WIPF1: variants seen among roughly 807,000 people sequenced by gnomAD.
WIPF1 encodes the protein WAS/WASL interacting protein family member 1.
Under a neutral mutation model 35.4 loss-of-function variants are expected in WIPF1, and 13 were observed. The ratio of observed to expected loss-of-function variants is 0.37; its 90% CI spans 0.24 to 0.58. WIPF1 has a LOEUF of 0.58. Ranked by LOEUF, WIPF1 falls within the 20% of genes least tolerant of loss-of-function variation. The pLI is 0.74. For missense variants in WIPF1, 591 were observed against 667.0 expected (o/e 0.89, Z 1.25); for synonymous variants, 267 against 266.3 (o/e 1.00, Z -0.02).
intron 1 of WIPF1, among the ~76,000 whole-genome samples, chr2:174,629,459 G>A (rs1686948251): frequency 6.6e-6 from 1 of 152,342 alleles, no homozygotes; most frequent in South Asian, 2.1e-4. Context: ...TGCTGTCCAT[G>A]TAGGTAAATT....
chr2:174,638,041 A>C (rs1687222499), intron 1 of WIPF1, among the ~76,000 whole-genome samples: 1 of 152,208 alleles, frequency 6.6e-6, no homozygotes, highest in Non-Finnish European at 1.5e-5. Context: ...TTTTGTTTGG[A>C]CTAAGAGATG....
chr2:174,606,963 C>T (rs2105891757), intron 1 of WIPF1, among the ~76,000 whole-genome samples: 1 of 152,310 alleles, frequency 6.6e-6, no homozygotes, highest in East Asian at 1.9e-4. Flanking sequence ...TGAGGGCCTT[C>T]TTGCCGTGTC....
At chr2:174,679,981 C>A (rs1044308889) in intron 1 of WIPF1, among the ~76,000 whole-genome samples, 1 of 152,172 alleles carries the variant, frequency 6.6e-6, no homozygotes, top group East Asian at 1.9e-4. Context: ...TCTTTCGATG[C>A]CTGGCACACA....
chr2:174,567,728 T>C (rs1249006699), intron 6 of WIPF1, 133 bp downstream of exon 6: 1 of 947,538 alleles, frequency 1.1e-6, no homozygotes, highest in African/African-American at 1.7e-5. Flanking sequence ...AATGGTTAGA[T>C]AGTTAGATCA....
chr2:174,658,805 G>C (rs1687698283), intron 1 of WIPF1, among the ~76,000 whole-genome samples: 1 of 151,304 alleles, frequency 6.6e-6, no homozygotes, highest in Non-Finnish European at 1.5e-5. Context: ...CCTTGTTTCT[G>C]CTTGAAAAAA....
chr2:174,575,416 C>T, intron 3 of WIPF1, 36 bp from the exon 4 acceptor site: 1 of 1,565,418 alleles, frequency 6.4e-7, no homozygotes, highest in Non-Finnish European at 8.7e-7. Context: ...ACTATGCCCC[C>T]TGGTCTGGCC....
intron 1 of WIPF1, among the ~76,000 whole-genome samples, chr2:174,667,061 G>A (rs1022679480): frequency 5.9e-5 from 9 of 152,232 alleles, no homozygotes; most frequent in African/African-American, 1.9e-4. Flanking sequence ...AATGCAGTTG[G>A]TTTTGTTTTA....
At chr2:174,634,338 A>T (rs1004308846) in intron 1 of WIPF1, among the ~76,000 whole-genome samples, 1 of 152,198 alleles carries the variant, frequency 6.6e-6, no homozygotes, top group Non-Finnish European at 1.5e-5. Flanking sequence ...TTTTCACCAT[A>T]ATGGCTCAGC....
chr2:174,674,962 G>A (rs1009887589), intron 1 of WIPF1, among the ~76,000 whole-genome samples: 5 of 150,006 alleles, frequency 3.3e-5, no homozygotes, highest in Admixed American at 3.3e-4. Context: ...GTTCCAGGAA[G>A]AATGGTTGTA....
intron 2 of WIPF1, among the ~76,000 whole-genome samples, chr2:174,581,718 G>A (rs551046151): frequency 1.3e-5 from 2 of 152,294 alleles, no homozygotes; most frequent in Admixed American, 6.5e-5. Flanking sequence ...GAAACTAACA[G>A]GGCCAGGTTA....
chr2:174,656,679 C>G (rs1687647119), intron 1 of WIPF1, among the ~76,000 whole-genome samples: 1 of 152,196 alleles, frequency 6.6e-6, no homozygotes, highest in African/African-American at 2.4e-5. Flanking sequence ...CTTAGAATCC[C>G]ATGGCCAACC....
intron 3 of WIPF1, among the ~76,000 whole-genome samples, chr2:174,576,243 A>AAAAAAAAAAAAAAAAAAAC (rs1559149036): frequency 9.3e-5 from 14 of 150,458 alleles, no homozygotes; most frequent in African/African-American, 3.5e-4. Context: ...AAAAAAAAAA[A>AAAAAAAAAAAAAAAAAAAC]AAAAAACACT....
chr2:174,609,609 C>T (rs1686282010), intron 1 of WIPF1, among the ~76,000 whole-genome samples: 1 of 152,218 alleles, frequency 6.6e-6, no homozygotes, highest in South Asian at 2.1e-4. Flanking sequence ...TTTCATTTCT[C>T]TTTTAAATTA....
chr2:174,681,026 A>G (rs2106000516), intron 1 of WIPF1, among the ~76,000 whole-genome samples: 1 of 152,374 alleles, frequency 6.6e-6, no homozygotes, highest in East Asian at 1.9e-4. Flanking sequence ...AGAAGGAGGC[A>G]TGAATCCCCC....
At chr2:174,631,095 A>G (rs1687005427) in intron 1 of WIPF1, among the ~76,000 whole-genome samples, 1 of 152,242 alleles carries the variant, frequency 6.6e-6, no homozygotes, top group Admixed American at 6.5e-5. Flanking sequence ...AGAATTACCT[A>G]TGATTCAGCA....
Position 174,666,777 on chromosome 2 carries a change from G to T in WIPF1, c.-39+15997C>A, listed in dbSNP as rs1687901602. On this transcript the variant is annotated intron_variant, in intron 1 of 8. Coordinates refer to the WIPF1 transcript ENST00000272746. Reference sequence around the variant, plus strand: ...CTGATGCTGACACAGAATGCTCGGTGGTGGGATGTGCCTCTAAAACTGCCA... The same window carrying T: ...CTGATGCTGACACAGAATGCTCGGTTGTGGGATGTGCCTCTAAAACTGCCA... Among the ~76,000 whole-genome samples the T allele has an allele frequency of 3.9e-5, 6 of 152,262 alleles. No homozygotes were observed. The South Asian group carries it at 1.2e-3, about 32-fold the overall frequency.
At chr2:174,635,529 G>GTTTTTTTTTTTTTTT (rs1197924942) in intron 1 of WIPF1, among the ~76,000 whole-genome samples, 1 of 115,624 alleles carries the variant, frequency 8.6e-6, no homozygotes, top group Non-Finnish European at 1.7e-5. Context: ...CCTTCTGTTT[G>GTTTTTTTTTTTTTTT]TTTTTTTTTT....
intron 1 of WIPF1, among the ~76,000 whole-genome samples, chr2:174,632,735 A>G (rs915396768): frequency 2.2e-5 from 3 of 135,982 alleles, no homozygotes; most frequent in South Asian, 2.4e-4. Flanking sequence ...AAAAAAAAAA[A>G]AGACATCAGG....
At chr2:174,669,630 C>T (rs1265784434) in intron 1 of WIPF1, among the ~76,000 whole-genome samples, 2 of 152,200 alleles carry the variant, frequency 1.3e-5, no homozygotes, top group African/African-American at 2.4e-5. Flanking sequence ...GCCTGTAGTC[C>T]CAGCTACTTG....
Sources: allele counts gnomAD v4.1 joint callset (sites outside exome capture counted in the v4.1 genomes callset), GRCh38; gene constraint gnomAD v4.1.1; transcripts MANE v1.5; gene names NCBI Gene and HGNC (gene_info 2026-07-23, HGNC 2026-07-21).